Variants in SGPP2 observed in about 807,000 individuals in gnomAD.
SGPP2 encodes sphingosine-1-phosphate phosphatase 2, also known as sphingosine 1-phosphate phosphohydrolase 2.
Under a neutral mutation model 33.9 loss-of-function variants are expected in SGPP2, and 30 were observed. The observed-to-expected ratio is 0.89, with a 90% CI of 0.66 to 1.20. The LOEUF (loss-of-function observed/expected upper bound fraction) is 1.20, where lower values mean the gene tolerates loss of function less well. SGPP2 is among the 50% of genes most tolerant of loss of function. The probability of loss-of-function intolerance (pLI) is 0.00; values close to 1 mark genes in which losing one functional copy is unlikely to be tolerated. For synonymous variants in SGPP2, 233 were observed against 225.0 expected (o/e 1.04, Z -0.32); for missense variants, 458 against 532.1 (o/e 0.86, Z 1.37).
intron 1 of SGPP2, among the ~76,000 whole-genome samples, chr2:222,447,853 G>C (rs901339657): frequency 6.6e-6 from 1 of 152,004 alleles, no homozygotes; most frequent in Non-Finnish European, 1.5e-5. Flanking sequence ...GTTAGTGAAG[G>C]AGGTAAAAAA....
chr2:222,547,748 C>T (rs567274116), intron 4 of SGPP2, among the ~76,000 whole-genome samples: 5 of 152,030 alleles, frequency 3.3e-5, no homozygotes. Flanking sequence ...CATGCAATAT[C>T]CATATTCAGT....
rs546277730 is a variant in SGPP2, at chr2:222,489,914, G to A, written c.378+15188G>A. Among the ~76,000 whole-genome samples the A allele has an allele frequency of 4.0e-3, 606 of 152,226 alleles. 6 individuals carry two copies. The highest frequency in any genetic ancestry group is 0.014 in the African/African-American group (570 of 41,546). Reference sequence around the variant, plus strand: ...CAGGAGATGGAGGTTGCAGTGAGCCGAGATCATGCCATTGCACTCCAGCCT... The same window carrying A: ...CAGGAGATGGAGGTTGCAGTGAGCCAAGATCATGCCATTGCACTCCAGCCT... On this transcript the variant is annotated intron_variant, in intron 2 of 4. Transcript: ENST00000321276.
chr2:222,556,449 C>T (rs1689401015), intron 4 of SGPP2, among the ~76,000 whole-genome samples: 1 of 144,586 alleles, frequency 6.9e-6, no homozygotes, highest in Admixed American at 6.9e-5. Context: ...ACCCCGGCTC[C>T]GTCCACTCTC....
intron 4 of SGPP2, among the ~76,000 whole-genome samples, chr2:222,549,984 C>T (rs913393173): frequency 6.6e-6 from 1 of 151,720 alleles, no homozygotes; most frequent in African/African-American, 2.4e-5. Context: ...TCAAGCAATT[C>T]CCCTGCCTCA....
intron 1 of SGPP2, among the ~76,000 whole-genome samples, chr2:222,427,986 C>T (rs1395019299): frequency 6.6e-6 from 1 of 152,042 alleles, no homozygotes; most frequent in Non-Finnish European, 1.5e-5. Flanking sequence ...AAGTCTGAGT[C>T]CTGAAGGGTT....
At chr2:222,486,436 G>C (rs1002589632) in intron 2 of SGPP2, among the ~76,000 whole-genome samples, 1 of 152,182 alleles carries the variant, frequency 6.6e-6, no homozygotes, top group African/African-American at 2.4e-5. Flanking sequence ...TTTGCAAAGA[G>C]CCACAATATG....
chr2:222,461,473 G>A (rs527995860), intron 1 of SGPP2, among the ~76,000 whole-genome samples: 5 of 152,118 alleles, frequency 3.3e-5, no homozygotes, highest in South Asian at 2.1e-4. Flanking sequence ...ATTCAAGCAC[G>A]TTGCCTTTAT....
intron 1 of SGPP2, among the ~76,000 whole-genome samples, chr2:222,433,668 C>T (rs1697192529): frequency 6.7e-6 from 1 of 148,706 alleles, no homozygotes. Context: ...CTTGGCCTGG[C>T]TGTGTCTTCT....
intron 4 of SGPP2, among the ~76,000 whole-genome samples, chr2:222,552,164 T>C (rs1290934705): frequency 6.6e-6 from 1 of 152,242 alleles, no homozygotes. Flanking sequence ...TGTGCTGCTA[T>C]AGACATGAGT....
intron 4 of SGPP2, among the ~76,000 whole-genome samples, chr2:222,525,908 G>T (rs562512103): frequency 7.2e-5 from 11 of 152,264 alleles, no homozygotes; most frequent in African/African-American, 2.6e-4. Context: ...TGGGAGAGAG[G>T]GGGCAGAAGG....
chr2:222,433,547 A>G (rs534265359), intron 1 of SGPP2, among the ~76,000 whole-genome samples: 4 of 152,204 alleles, frequency 2.6e-5, no homozygotes, highest in African/African-American at 9.6e-5. Context: ...ACTTAATCCT[A>G]CCTGGTGAAT....
chr2:222,515,618 C>T (rs989843202), intron 2 of SGPP2, among the ~76,000 whole-genome samples: 4 of 152,052 alleles, frequency 2.6e-5, no homozygotes, highest in African/African-American at 4.8e-5. Context: ...CGTGAGCCAC[C>T]GTGCCCAGCC....
At position 222,525,032 on chromosome 2, in the gene SGPP2, T is replaced by C. The variant is rs780966040; in HGVS notation, c.647T>C (p.Leu216Pro). ...CTCTACACTGGGATGCATACGGTCC[T>C]GGTAAGGCTTTGTGGTCAGGTCTTG... ...SRLYTGMHTV[L>P]DVLGGVLITA... The change falls in exon 4 of 5, where the codon CTG becomes CCG. Residue 216 changes from leucine (L) to proline (P), a missense_variant and splice_region_variant. Physicochemically the swap from Leu to Pro is moderately conservative, Grantham distance 98. Transcript: ENST00000321276. The C allele has an allele frequency of 6.2e-7, 1 of 1,613,500 alleles. No individual in the cohort carries two copies. Among genetic ancestry groups the C allele is most frequent in the South Asian group, 1.1e-5 (1 of 91,002 alleles).
intron 1 of SGPP2, among the ~76,000 whole-genome samples, chr2:222,448,326 G>A (rs1344353246): frequency 6.6e-6 from 1 of 152,166 alleles, no homozygotes; most frequent in Non-Finnish European, 1.5e-5. Context: ...CAAACAAAAG[G>A]ACTGTACCCC....
At position 222,439,189 on chromosome 2, in the gene SGPP2, C is replaced by T. The variant is rs796741871; in HGVS notation, c.219+14368C>T. On this transcript the variant is annotated intron_variant, in intron 1 of 4. Coordinates refer to ENST00000321276, the MANE Select transcript of SGPP2 (RefSeq NM_152386.4). Reference sequence around the variant, plus strand: ...TTTCCCTTTCCCCAGTGCACAGTTACCCTGGTGAAAGGCCAGAGGTCTCCT... The same window carrying T: ...TTTCCCTTTCCCCAGTGCACAGTTATCCTGGTGAAAGGCCAGAGGTCTCCT... 2.0e-5 allele frequency among the ~76,000 whole-genome samples: 3 copies of T among 152,128 alleles called. No individual in the cohort carries two copies. The South Asian group carries it at 6.2e-4, about 31-fold the overall frequency.
chr2:222,536,477 C>T (rs747984716), intron 4 of SGPP2, among the ~76,000 whole-genome samples: 2 of 152,072 alleles, frequency 1.3e-5, no homozygotes, highest in African/African-American at 2.4e-5. Context: ...GTCAGGAGTT[C>T]GAGACCAGCC....
intron 4 of SGPP2, among the ~76,000 whole-genome samples, chr2:222,540,278 T>C (rs1269530529): frequency 6.6e-6 from 1 of 152,242 alleles, no homozygotes; most frequent in Non-Finnish European, 1.5e-5. Context: ...GGTAATTTTA[T>C]GCAGTATTTT....
chr2:222,471,080 A>T (rs75119013), intron 1 of SGPP2, among the ~76,000 whole-genome samples: 1 of 152,220 alleles, frequency 6.6e-6, no homozygotes, highest in South Asian at 2.1e-4. Flanking sequence ...GGATGAATGT[A>T]TTGCCATTCT....
chr2:222,507,632 T>C (rs1292806367), intron 2 of SGPP2, among the ~76,000 whole-genome samples: 1 of 152,194 alleles, frequency 6.6e-6, no homozygotes, highest in Non-Finnish European at 1.5e-5. Flanking sequence ...TTTTTGTTAT[T>C]TGTTTTTGCA....
Sources: allele counts gnomAD v4.1 joint callset (sites outside exome capture counted in the v4.1 genomes callset), GRCh38; gene constraint gnomAD v4.1.1; transcripts MANE v1.5; gene names NCBI Gene and HGNC (gene_info 2026-07-23, HGNC 2026-07-21).